Variants in TMEM266 observed in about 807,000 individuals in gnomAD.
TMEM266 encodes the protein Hv1 related protein 1.
TMEM266 carries 33 observed loss-of-function variants against 50.5 expected under a neutral mutation model. The ratio of observed to expected loss-of-function variants is 0.65; its 90% confidence interval spans 0.50 to 0.87. The LOEUF (loss-of-function observed/expected upper bound fraction) is 0.87, where lower values mean the gene tolerates loss of function less well. TMEM266 is among the 40% of genes least tolerant of loss of function. The pLI, the probability that TMEM266 is intolerant of heterozygous loss-of-function variation, is 0.00. For missense variants in TMEM266, 655 were observed against 695.1 expected (o/e 0.94, Z 0.65); for synonymous variants, 310 against 292.3 (o/e 1.06, Z -0.62).
chr15:76,204,372 G>T lies in TMEM266; in HGVS notation c.*57G>T, dbSNP rs1050447857. ...GACAGCCATCTCAAAGCTCTCCTGG[G>T]ACCCTGGAGGCTGCCAAGGGCCACA... On this transcript the variant is annotated 3_prime_UTR_variant, in exon 11 of 11. Coordinates refer to ENST00000388942, the MANE Select transcript of TMEM266 (RefSeq NM_152335.3). 55 of 1,498,494 alleles carry T rather than the reference G, an allele frequency of 3.7e-5. No homozygotes were observed. The East Asian group carries it at 1.3e-3, about 34-fold the overall frequency. 92.8% of individuals were successfully genotyped at this position (1,498,494 alleles called of 1,614,324 possible).
At chr15:76,143,522 T>C (rs946330193) in intron 3 of TMEM266, among the ~76,000 whole-genome samples, 3 of 152,196 alleles carry the variant, frequency 2.0e-5, no homozygotes, top group Non-Finnish European at 4.4e-5. Flanking sequence ...TTTTCTTTTT[T>C]ATTTAATTTT....
chr15:76,096,269 A>G (rs983056666), intron 1 of TMEM266, among the ~76,000 whole-genome samples: 6 of 152,052 alleles, frequency 3.9e-5, no homozygotes, highest in African/African-American at 1.4e-4. Flanking sequence ...CTCCCTCTGC[A>G]CAGTGCTTTA....
At chr15:76,158,262 C>T (rs184711105) in intron 4 of TMEM266, among the ~76,000 whole-genome samples, 1 of 152,310 alleles carries the variant, frequency 6.6e-6, no homozygotes, top group African/African-American at 2.4e-5. Context: ...TTGCTTTTGT[C>T]TGATAAGCCT....
In TMEM266 at chr15:76,164,621, C is replaced by T. The variant is rs1294680413; in HGVS notation, c.456+4453C>T. 3.9e-5 allele frequency among the ~76,000 whole-genome samples: 6 copies of T among 152,244 alleles called. No homozygotes were observed. In the East Asian group the frequency reaches 1.2e-3, roughly 29 times the overall value. The stretch of plus-strand genomic sequence containing the variant: ...TGGATCCTGGAATCCACGTCTTCCT[C>T]TTGCCATTGTAGTTTAACCCCAGGG... On this transcript the variant is annotated intron_variant, in intron 5 of 10. Transcript: ENST00000388942.
intron 1 of TMEM266, among the ~76,000 whole-genome samples, chr15:76,090,023 C>T (rs140683838): frequency 1.5e-3 from 225 of 152,218 alleles, no homozygotes; most frequent in African/African-American, 4.5e-3. Flanking sequence ...GTAAGATAAT[C>T]AGTTAAGATT....
intron 1 of TMEM266, among the ~76,000 whole-genome samples, chr15:76,095,787 T>C (rs1041897864): frequency 6.6e-6 from 1 of 152,068 alleles, no homozygotes; most frequent in African/African-American, 2.4e-5. Flanking sequence ...TGCCTCAATT[T>C]CAGAACTTGT....
intron 3 of TMEM266, among the ~76,000 whole-genome samples, chr15:76,156,263 G>A (rs139387779): frequency 6.6e-6 from 1 of 152,204 alleles, no homozygotes; most frequent in Non-Finnish European, 1.5e-5. Context: ...GGGAGCCTGA[G>A]GCAGGAGAAT....
intron 4 of TMEM266, among the ~76,000 whole-genome samples, chr15:76,157,300 G>A (rs1567170411): frequency 1.3e-5 from 2 of 152,218 alleles, no homozygotes; most frequent in African/African-American, 2.4e-5. Context: ...CCTGTGAGAT[G>A]GGCGAGATGG....
At chr15:76,067,831 GTATATCAAA>G in intron 1 of TMEM266, among the ~76,000 whole-genome samples, 1 of 151,868 alleles carries the variant, frequency 6.6e-6, no homozygotes, top group East Asian at 1.9e-4. Flanking sequence ...TTGACAATAA[GTATATCAAA>G]CCAAAAATAA....
At chr15:76,188,551 C>T (rs377400412) in intron 8 of TMEM266, among the ~76,000 whole-genome samples, 1 of 152,046 alleles carries the variant, frequency 6.6e-6, no homozygotes, top group Non-Finnish European at 1.5e-5. Flanking sequence ...TTCAGTGAGC[C>T]GAGATGATGC....
chr15:76,177,222 C>G (rs1390410078), intron 8 of TMEM266, among the ~76,000 whole-genome samples: 1 of 152,262 alleles, frequency 6.6e-6, no homozygotes, highest in Non-Finnish European at 1.5e-5. Context: ...TAGATGCCCC[C>G]TGAAGGCAAG....
chr15:76,171,806 G>A (rs752160389), intron 7 of TMEM266, among the ~76,000 whole-genome samples: 8 of 152,190 alleles, frequency 5.3e-5, no homozygotes, highest in Admixed American at 6.5e-5. Context: ...CTGGAAAGCT[G>A]TGCCCTGACC....
At chr15:76,184,226 C>T (rs2038462458) in intron 8 of TMEM266, among the ~76,000 whole-genome samples, 1 of 152,196 alleles carries the variant, frequency 6.6e-6, no homozygotes, top group Admixed American at 6.5e-5. Context: ...CTGGATTATT[C>T]AGGATCTCCA....
At chr15:76,185,989 G>A (rs564330525) in intron 8 of TMEM266, among the ~76,000 whole-genome samples, 1 of 152,334 alleles carries the variant, frequency 6.6e-6, no homozygotes, top group South Asian at 2.1e-4. Flanking sequence ...TGGGCCAAGA[G>A]CTCAGCCTCC....
chr15:76,202,709 T>C (rs1356727791), intron 10 of TMEM266, among the ~76,000 whole-genome samples: 1 of 152,256 alleles, frequency 6.6e-6, no homozygotes, highest in East Asian at 1.9e-4. Context: ...GGAAGCCTAG[T>C]GGTTTTTACT....
At chr15:76,178,650 G>T (rs1380883434) in intron 8 of TMEM266, 1 of 152,122 alleles carries the variant, frequency 6.6e-6, no homozygotes, top group Non-Finnish European at 1.5e-5. Flanking sequence ...GGGACCCCAG[G>T]TTCCTGCCGT....
intron 3 of TMEM266, among the ~76,000 whole-genome samples, chr15:76,152,846 A>G (rs1415779883): frequency 1.3e-5 from 2 of 152,146 alleles, no homozygotes; most frequent in East Asian, 3.9e-4. Context: ...CTCTCCCACT[A>G]GAGTGTAACC....
intron 9 of TMEM266, among the ~76,000 whole-genome samples, chr15:76,199,898 G>A (rs1180947402): frequency 6.6e-6 from 1 of 152,148 alleles, no homozygotes; most frequent in African/African-American, 2.4e-5. Context: ...GGATGTGAGG[G>A]GCTTTTTAGG....
intron 7 of TMEM266, among the ~76,000 whole-genome samples, chr15:76,173,433 C>T (rs901323197): frequency 1.1e-4 from 16 of 152,108 alleles, no homozygotes; most frequent in Non-Finnish European, 2.4e-4. Flanking sequence ...ACTGAGACTT[C>T]CAGGAGCCCA....
Sources: allele counts gnomAD v4.1 joint callset (sites outside exome capture counted in the v4.1 genomes callset), GRCh38; gene constraint gnomAD v4.1.1; transcripts MANE v1.5; gene names NCBI Gene and HGNC (gene_info 2026-07-23, HGNC 2026-07-21).